The following NFKBIB variants were observed in gnomAD, a reference collection of about 807,000 sequenced individuals.
NFKBIB encodes NF-kappa-B inhibitor beta.
A neutral mutation model predicts 32.1 loss-of-function variants in NFKBIB; 16 were observed. The ratio of observed to expected loss-of-function variants is 0.50; its 90% CI spans 0.34 to 0.76. NFKBIB has a LOEUF of 0.76. Among genes scored for constraint, NFKBIB ranks in the 30% least tolerant of loss-of-function variants. NFKBIB has a pLI of 0.01. For missense variants in NFKBIB, 437 were observed against 514.9 expected, an observed-to-expected ratio of 0.85 and a Z score of 1.46; for synonymous variants, 222 against 219.5, an observed-to-expected ratio of 1.01 and a Z score of -0.10.
chr19:38,903,272 G>T (rs942166484), intron 1 of NFKBIB, among the ~76,000 whole-genome samples: 11 of 151,902 alleles, frequency 7.2e-5, no homozygotes, highest in African/African-American at 2.2e-4. Context: ...TAGAGTAAAA[G>T]AAATTTATTT....
At chr19:38,907,977 A>T (rs1974197232) in intron 5 of NFKBIB, 2 of 1,195,350 alleles carry the variant, frequency 1.7e-6, no homozygotes, top group African/African-American at 1.6e-5. Context: ...GGCAGCAAGA[A>T]TTGGAGAACT....
In NFKBIB at chr19:38,900,229, T is replaced by C; in HGVS notation, c.179+18T>C. The C allele has an allele frequency of 1.1e-5, 17 of 1,579,290 alleles. No homozygotes were observed. Among genetic ancestry groups the C allele is most frequent in the Non-Finnish European group, 1.5e-5 (17 of 1,167,194 alleles). On this transcript the variant is annotated intron_variant, in intron 1 of 5. Transcript: ENST00000313582. The stretch of plus-strand genomic sequence containing the variant: ...GGGGACACGTGAGTGAACCTTAGGC[T>C]GCCAAACGGAGCCCTAGGACCCGGC...
intron 1 of NFKBIB, among the ~76,000 whole-genome samples, 185 bp from the exon 2 acceptor site, chr19:38,904,830 C>T (rs755494188): frequency 6.6e-6 from 1 of 152,132 alleles, no homozygotes; most frequent in Non-Finnish European, 1.5e-5. Context: ...GGAAATCCCA[C>T]TGAATAAACA....
chr19:38,899,950 C>T, upstream of NFKBIB: 1 of 1,382,778 alleles, frequency 7.2e-7, no homozygotes, highest in Non-Finnish European at 9.5e-7. Context: ...GGGGAATTTC[C>T]CGCAGGGCGG....
At chr19:38,902,936 G>C (rs376741865) in intron 1 of NFKBIB, among the ~76,000 whole-genome samples, 1 of 152,144 alleles carries the variant, frequency 6.6e-6, no homozygotes, top group Non-Finnish European at 1.5e-5. Context: ...TTAGCTGGCA[G>C]TGGTGGCGAG....
chr19:38,906,443 C>T lies in NFKBIB; in HGVS notation c.620-778C>T, dbSNP rs536082813. 5.3e-5 allele frequency among the ~76,000 whole-genome samples: 8 copies of T among 149,852 alleles called. No individual in the cohort carries two copies. In the South Asian group the frequency reaches 1.1e-3, roughly 20 times the overall value. On this transcript the variant is annotated intron_variant, in intron 3 of 5. Transcript: ENST00000313582. Reference sequence around the variant, plus strand: ...GGATTACAGGTGTGAGCCACCGTGCCTGGGCAGGAACCTTAATTTAAGGTT... The same window carrying T: ...GGATTACAGGTGTGAGCCACCGTGCTTGGGCAGGAACCTTAATTTAAGGTT...
At chr19:38,899,936 T>G, upstream of NFKBIB, 1 of 1,244,312 alleles carries the variant, frequency 8.0e-7, no homozygotes, top group Non-Finnish European at 1.1e-6. Flanking sequence ...TCAGGGGGCG[T>G]GGTGGGGAAT....
chr19:38,905,036 T>A lies in NFKBIB; in HGVS notation c.201T>A (p.Ile67=). The A allele has an allele frequency of 3.7e-6, 6 of 1,614,160 alleles. No homozygotes were observed. The highest frequency in any genetic ancestry group is 4.2e-6 in the Non-Finnish European group (5 of 1,180,026). The part of the protein sequence containing the change: ...DGDTALHLAV[I]HQHEPFLDFL... ...CCAGGGCACTGCACTTGGCTGTGAT[T>A]CATCAGCATGAACCCTTCCTGGATT... The change falls in exon 2 of 6, where the codon ATT becomes ATA. Residue 67 remains isoleucine (I), a synonymous_variant. Transcript: ENST00000313582. The surrounding 1 kb of genome is among the most constrained non-coding windows in gnomAD (Gnocchi z 5.5).
In NFKBIB at chr19:38,902,442, G is replaced by T. The variant is rs560451216; in HGVS notation, c.179+2231G>T. Among the ~76,000 whole-genome samples, 5 of 152,222 alleles carry T rather than the reference G, an allele frequency of 3.3e-5. No individual in the cohort carries two copies. In the South Asian group the frequency reaches 1.0e-3, roughly 32 times the overall value. ...TGTTAGTGGTTGCTTTAAGGTGGGG[G>T]TTGGCAAACTATGGCCTCCAGGCAA... On this transcript the variant is annotated intron_variant, in intron 1 of 5. Transcript: ENST00000313582.
chr19:38,906,713 C>A (rs1974135681), intron 3 of NFKBIB, among the ~76,000 whole-genome samples: 1 of 152,008 alleles, frequency 6.6e-6, no homozygotes, highest in African/African-American at 2.4e-5. Context: ...TCGTGATCCA[C>A]CCGCCTCAGC....
intron 5 of NFKBIB, 162 bp downstream of exon 5, chr19:38,907,821 G>A: frequency 7.0e-7 from 1 of 1,428,554 alleles, no homozygotes. Context: ...GACCTGGACA[G>A]GGGTGGTGGG....
In NFKBIB at chr19:38,900,040, G is replaced by C. The variant is rs1015275633; in HGVS notation, c.8G>C (p.Gly3Ala). 6.7e-7 allele frequency: 1 copy of C among 1,482,390 alleles called. No individual in the cohort carries two copies. The highest frequency in any genetic ancestry group is 2.4e-5 in the Admixed American group (1 of 41,492). The allele number at this position is 1,482,390 out of a possible 1,614,324, so 91.8% of individuals were successfully genotyped here. ...CCTGAGGCGGCGGGGGCCATGGCTG[G>C]GGTCGCGTGCTTGGGAAAAGCTGCC... MA[G>A]VACLGKAADA... is the part of the protein sequence containing the mutation. Residue 3 changes from glycine (G) to alanine (A), a missense_variant, in exon 1 of 6, where the codon GGG (glycine) becomes GCG (alanine). Transcript: ENST00000313582.
intron 5 of NFKBIB, chr19:38,907,978 T>G: frequency 1.7e-6 from 2 of 1,194,536 alleles, no homozygotes; most frequent in Admixed American, 4.1e-5. Context: ...GCAGCAAGAA[T>G]TGGAGAACTC....
chr19:38,900,896 T>C (rs1398955195), intron 1 of NFKBIB, among the ~76,000 whole-genome samples: 1 of 151,400 alleles, frequency 6.6e-6, no homozygotes, highest in Non-Finnish European at 1.5e-5. Context: ...AATAAACAGA[T>C]TGATAAGACC....
At chr19:38,907,075 G>A (rs1974150692) in intron 3 of NFKBIB, 146 bp from the exon 4 acceptor site, 4 of 712,244 alleles carry the variant, frequency 5.6e-6, no homozygotes, top group African/African-American at 3.5e-5. Context: ...TGGTACCCAG[G>A]TACCTCTTTG....
chr19:38,906,078 G>A (rs967327853), intron 3 of NFKBIB, among the ~76,000 whole-genome samples: 4 of 149,138 alleles, frequency 2.7e-5, no homozygotes, highest in Non-Finnish European at 4.4e-5. Flanking sequence ...AGGACCCAGT[G>A]TTCAGGGCCT....
chr19:38,901,220 C>T (rs1420994368), intron 1 of NFKBIB, among the ~76,000 whole-genome samples: 2 of 148,896 alleles, frequency 1.3e-5, no homozygotes, highest in African/African-American at 2.6e-5. Flanking sequence ...TTTATAGTCT[C>T]GTTAATTTTC....
chr19:38,899,992 C>T lies in NFKBIB; in HGVS notation c.-41C>T, dbSNP rs753536690. ...CAGAACTCCCGGCAAAGCCCAGCTA[C>T]AGGCGGGCGACTGCGGGGGGCCCCT... On this transcript the variant is annotated 5_prime_UTR_variant, in exon 1 of 6. Coordinates refer to ENST00000313582, the MANE Select transcript of NFKBIB (RefSeq NM_002503.5). 5 of 1,440,830 alleles carry T rather than the reference C, an allele frequency of 3.5e-6. No homozygotes were observed. In the South Asian group the frequency reaches 7.3e-5, roughly 21 times the overall value. The allele number at this position is 1,440,830 out of a possible 1,614,324, so 89.3% of individuals were successfully genotyped here. A position where few individuals can be genotyped will look rare whatever the true frequency, so the allele number is the denominator to read the frequency against.
At chr19:38,907,195 T>C in intron 3 of NFKBIB, 26 bp from the exon 4 acceptor site, 1 of 1,590,274 alleles carries the variant, frequency 6.3e-7, no homozygotes, top group Non-Finnish European at 8.6e-7. Flanking sequence ...CACCTCATCA[T>C]CTGACGCCAA....
Sources: allele counts gnomAD v4.1 joint callset (sites outside exome capture counted in the v4.1 genomes callset), GRCh38; gene constraint gnomAD v4.1.1; non-coding constraint Gnocchi (gnomAD v3.1); transcripts MANE v1.5; gene names NCBI Gene and HGNC (gene_info 2026-07-23, HGNC 2026-07-21).